The following RYR2 variants were observed in gnomAD, a reference collection of about 807,000 sequenced individuals.
RYR2 encodes the protein ryanodine receptor 2.
In RYR2, 227 loss-of-function variants were observed where a neutral mutation model predicts 601.1. The ratio of observed to expected loss-of-function variants is 0.38; its 90% CI spans 0.34 to 0.42. RYR2 has a LOEUF of 0.42. Ranked by LOEUF, RYR2 falls within the 10% of genes least tolerant of loss-of-function variation. The pLI is 1.00. For synonymous variants in RYR2, 2,223 were observed against 2,175.1 expected, an observed-to-expected ratio of 1.02 and a Z score of -0.61; for missense variants, 4,646 against 6,156.5, an observed-to-expected ratio of 0.75 and a Z score of 8.21.
chr1:237,167,006 C>T (rs1321539895), intron 1 of RYR2, among the ~76,000 whole-genome samples: 2 of 152,180 alleles, frequency 1.3e-5, no homozygotes, highest in Non-Finnish European at 2.9e-5. Flanking sequence ...AATAAACAAA[C>T]AAAAGCAACC....
At chr1:237,358,254 G>A (rs1181570991) in intron 4 of RYR2, among the ~76,000 whole-genome samples, 1 of 152,120 alleles carries the variant, frequency 6.6e-6, no homozygotes, top group Non-Finnish European at 1.5e-5. Context: ...GCCCAAATCT[G>A]TATAATAGGT....
chr1:237,042,532 G>C lies in RYR2; in HGVS notation c.11G>C (p.Gly4Ala), dbSNP rs866878858. ...AGGAGGCGCGGAACCATGGCCGATGGGGGCGAGGGCGAAGACGAGATCCAG... is the reference window on the plus strand; with the variant it reads ...AGGAGGCGCGGAACCATGGCCGATGCGGGCGAGGGCGAAGACGAGATCCAG... MAD[G>A]GEGEDEIQFL... Residue 4 changes from glycine (G) to alanine (A), a missense_variant, in exon 1 of 105, where the codon GGG (glycine) becomes GCG (alanine). Transcript: ENST00000366574. 1.8e-5 allele frequency: 23 copies of C among 1,257,966 alleles called. No homozygotes were observed. Among genetic ancestry groups the C allele is most frequent in the Non-Finnish European group, 2.2e-5 (22 of 993,522 alleles). The allele number at this position is 1,257,966 out of a possible 1,614,324, so 77.9% of individuals were successfully genotyped here.
At position 237,106,745 on chromosome 1, in the gene RYR2, G is replaced by A. The variant is rs1421805545; in HGVS notation, c.48+64176G>A. Among the ~76,000 whole-genome samples the A allele has an allele frequency of 6.6e-6, 1 of 152,222 alleles. No individual in the cohort carries two copies. The highest frequency in any genetic ancestry group is 1.5e-5 in the Non-Finnish European group (1 of 68,044). On this transcript the variant is annotated intron_variant, in intron 1 of 104. Transcript: ENST00000366574. The surrounding 1 kb of genome is among the most constrained non-coding windows in gnomAD (Gnocchi z 4.4). Reference sequence around the variant, plus strand: ...TGGACTGGGAGGCTTAGAAACCACAGAAATTATTCCTCACAGTTCTGGATG... The same window carrying A: ...TGGACTGGGAGGCTTAGAAACCACAAAAATTATTCCTCACAGTTCTGGATG...
Position 237,439,643 on chromosome 1 carries a change from C to CA in RYR2, c.1006-1663dup, listed in dbSNP as rs879854481. Among the ~76,000 whole-genome samples the CA allele has an allele frequency of 6.0e-3, 806 of 134,898 alleles. 3 individuals carry two copies. Among genetic ancestry groups the CA allele is most frequent in the African/African-American group, 0.016 (605 of 36,808 alleles). The allele number at this position is 134,898 out of a possible 152,430, so 88.5% of individuals were successfully genotyped here. ...TGGGTGACAGAGAAAGACTCCATCT[C>CA]AAAAAAAAAAAAATCATCATCACGA... On this transcript the variant is annotated intron_variant, in intron 12 of 104. Transcript: ENST00000366574.
chr1:237,152,903 C>A (rs1193867067), intron 1 of RYR2, among the ~76,000 whole-genome samples: 1 of 125,100 alleles, frequency 8.0e-6, no homozygotes, highest in Admixed American at 8.4e-5. Context: ...TTTGCAGTTA[C>A]CCATCTGACA....
chr1:237,187,713 G>A (rs893788616), intron 1 of RYR2, among the ~76,000 whole-genome samples: 1 of 151,992 alleles, frequency 6.6e-6, no homozygotes, highest in African/African-American at 2.4e-5. Context: ...CCAAAGTGTT[G>A]GTATTACAGG....
intron 63 of RYR2, among the ~76,000 whole-genome samples, chr1:237,693,439 G>A (rs1362868042): frequency 6.6e-6 from 1 of 152,056 alleles, no homozygotes; most frequent in Non-Finnish European, 1.5e-5. Flanking sequence ...TAACATCCTA[G>A]TGAGACATTG....
chr1:237,341,974 A>G (rs1433076917), intron 3 of RYR2, among the ~76,000 whole-genome samples: 2 of 152,162 alleles, frequency 1.3e-5, no homozygotes, highest in African/African-American at 4.8e-5. Flanking sequence ...AAAGTGTCCC[A>G]GTCTGGATGA....
At chr1:237,362,350 A>G (rs905496057) in intron 4 of RYR2, among the ~76,000 whole-genome samples, 12 of 152,172 alleles carry the variant, frequency 7.9e-5, no homozygotes, top group African/African-American at 2.9e-4. Context: ...GCTCTTGTCT[A>G]TTGAACTTCT....
At position 237,088,480 on chromosome 1, in the gene RYR2, CAA is replaced by C. The variant is rs1666603472; in HGVS notation, c.48+45912_48+45913del. Among the ~76,000 whole-genome samples, 5 of 152,324 alleles carry C rather than the reference CAA, an allele frequency of 3.3e-5. No individual in the cohort carries two copies. The South Asian group carries it at 1.0e-3, about 32-fold the overall frequency. ...CCTCCTGGAAGTTGTGTACTGGAAT[CAA>C]TGCTTTTCGCAATTTATTATCTCAA... is the stretch of plus-strand genomic sequence containing the variant. On this transcript the variant is annotated intron_variant, in intron 1 of 104. Coordinates refer to ENST00000366574, the MANE Select transcript of RYR2 (RefSeq NM_001035.3).
rs1572409976 is a variant in RYR2 at position 237,456,724 on chromosome 1, A to G, written c.1601A>G (p.Tyr534Cys). Residue 534 changes from tyrosine to cysteine, a missense_variant, in exon 16 of 105, where the codon TAT (tyrosine) becomes TGT (cysteine). Physicochemically the swap from Tyr to Cys is radical, Grantham distance 194 (BLOSUM62 -2). Transcript: ENST00000366574. ...TGGAAATCCATTCTGAATTCTCTGT[A>G]TGAGTTGCTGGGTAAGAAGCATGAT... ...ESWKSILNSL[Y>C]ELLAALIRGN... The G allele has an allele frequency of 1.2e-6, 2 of 1,613,496 alleles. No homozygotes were observed. The highest frequency in any genetic ancestry group is 1.3e-5 in the African/African-American group (1 of 75,014).
intron 10 of RYR2, among the ~76,000 whole-genome samples, chr1:237,398,519 G>A (rs10925407): frequency 0.24 from 36,148 of 152,068 alleles, 4,471 homozygotes; most frequent in African/African-American, 0.31. Context: ...TCAGCATTAT[G>A]ACCCATTATA....
intron 12 of RYR2, among the ~76,000 whole-genome samples, chr1:237,440,408 G>C (rs556111314): frequency 2.0e-5 from 3 of 152,168 alleles, no homozygotes; most frequent in Non-Finnish European, 2.9e-5. Flanking sequence ...AAAGAAAGGA[G>C]GTACCTTTGG....
intron 88 of RYR2, among the ~76,000 whole-genome samples, chr1:237,781,115 C>T (rs577555761): frequency 6.6e-6 from 1 of 152,104 alleles, no homozygotes; most frequent in Admixed American, 6.6e-5. Context: ...GTGGCGTGAT[C>T]TCTGCTCACT....
intron 1 of RYR2, among the ~76,000 whole-genome samples, chr1:237,049,920 G>A (rs1427710621): frequency 1.3e-5 from 2 of 152,140 alleles, no homozygotes; most frequent in Non-Finnish European, 2.9e-5. Flanking sequence ...CTCCCTGGCT[G>A]GTGAAGAAGT....
At chr1:237,602,177 C>A (rs1676576622) in intron 35 of RYR2, 66 bp downstream of exon 35, 1 of 1,213,142 alleles carries the variant, frequency 8.2e-7, no homozygotes, top group Admixed American at 2.1e-5. Flanking sequence ...TTGATTTATT[C>A]TGAAATGAAT....
At chr1:237,232,029 T>C (rs1241844508) in intron 1 of RYR2, among the ~76,000 whole-genome samples, 1 of 152,212 alleles carries the variant, frequency 6.6e-6, no homozygotes, top group African/African-American at 2.4e-5. Context: ...AGGTAGCAAC[T>C]TCCTTATTCT....
At chr1:237,295,521 A>G (rs1450503326) in intron 2 of RYR2, among the ~76,000 whole-genome samples, 2 of 152,176 alleles carry the variant, frequency 1.3e-5, no homozygotes, top group Non-Finnish European at 2.9e-5. Context: ...AAAGACATTG[A>G]AATGTTGGCT....
chr1:237,329,691 A>C (rs953430258), intron 2 of RYR2, among the ~76,000 whole-genome samples: 2 of 152,030 alleles, frequency 1.3e-5, no homozygotes, highest in African/African-American at 4.8e-5. Flanking sequence ...TATGGGAAGG[A>C]CAAGTACTGC....
Sources: allele counts gnomAD v4.1 joint callset (sites outside exome capture counted in the v4.1 genomes callset), GRCh38; gene constraint gnomAD v4.1.1; non-coding constraint Gnocchi (gnomAD v3.1); transcripts MANE v1.5; gene names NCBI Gene and HGNC (gene_info 2026-07-23, HGNC 2026-07-21).